The following SGPP2 variants were observed in gnomAD, a reference collection of about 807,000 sequenced individuals.
SGPP2 encodes sphingosine-1-phosphate phosphatase 2.
A neutral mutation model predicts 33.9 loss-of-function variants in SGPP2; 30 were observed. That is an observed-to-expected ratio of 0.89 (90% CI 0.66 to 1.20). SGPP2 has a LOEUF of 1.20. Among genes scored for constraint, SGPP2 ranks in the 50% most tolerant of loss-of-function variants. SGPP2 has a pLI of 0.00. For synonymous variants in SGPP2, 233 were observed against 225.0 expected (o/e 1.04, Z -0.32); for missense variants, 458 against 532.1 (o/e 0.86, Z 1.37).
chr2:222,526,848 C>T (rs34994352), intron 4 of SGPP2, among the ~76,000 whole-genome samples: 48,025 of 152,058 alleles, frequency 0.32, 8,277 homozygotes, highest in Middle Eastern at 0.49. Flanking sequence ...GAACAACACA[C>T]ACCATGGCCT....
intron 2 of SGPP2, among the ~76,000 whole-genome samples, chr2:222,515,818 C>T (rs1255899996): frequency 6.6e-6 from 1 of 152,080 alleles, no homozygotes; most frequent in Non-Finnish European, 1.5e-5. Flanking sequence ...GCAGGCGGAT[C>T]ACCTGAGGTC....
intron 2 of SGPP2, among the ~76,000 whole-genome samples, chr2:222,521,308 G>C (rs114670032): frequency 6.6e-6 from 1 of 152,324 alleles, no homozygotes; most frequent in African/African-American, 2.4e-5. Flanking sequence ...GCATCGTGTG[G>C]TAGTTTAAGC....
intron 2 of SGPP2, among the ~76,000 whole-genome samples, chr2:222,519,254 A>G (rs1158935494): frequency 6.6e-6 from 1 of 152,140 alleles, no homozygotes; most frequent in East Asian, 1.9e-4. Flanking sequence ...TCACCTGGCA[A>G]TCTTGTGAAA....
chr2:222,467,822 A>G (rs540657607), intron 1 of SGPP2, among the ~76,000 whole-genome samples: 1 of 151,880 alleles, frequency 6.6e-6, no homozygotes, highest in Admixed American at 6.6e-5. Flanking sequence ...TGCTGTTTCC[A>G]ATTAAACTGG....
chr2:222,547,289 G>A (rs1018257313), intron 4 of SGPP2, among the ~76,000 whole-genome samples: 30 of 152,204 alleles, frequency 2.0e-4, no homozygotes, highest in South Asian at 1.0e-3. Flanking sequence ...TGTCATTCTC[G>A]CAAGCTGCTT....
chr2:222,510,074 C>T (rs1698502937), intron 2 of SGPP2, among the ~76,000 whole-genome samples: 1 of 152,180 alleles, frequency 6.6e-6, no homozygotes. Context: ...AATAATATTC[C>T]ATTGTAAATA....
chr2:222,441,680 T>G (rs1017977193), intron 1 of SGPP2, among the ~76,000 whole-genome samples: 5 of 152,314 alleles, frequency 3.3e-5, no homozygotes, highest in Non-Finnish European at 5.9e-5. Flanking sequence ...TTGTTTACAA[T>G]ACGAAGGTAG....
At chr2:222,532,233 C>T (rs1698849758) in intron 4 of SGPP2, among the ~76,000 whole-genome samples, 2 of 151,680 alleles carry the variant, frequency 1.3e-5, no homozygotes, top group African/African-American at 4.9e-5. Flanking sequence ...GAGATCGCGC[C>T]ATTGCACTTG....
intron 2 of SGPP2, among the ~76,000 whole-genome samples, chr2:222,509,922 A>C (rs1698500773): frequency 6.6e-6 from 1 of 152,198 alleles, no homozygotes; most frequent in Non-Finnish European, 1.5e-5. Flanking sequence ...CAGTGGGGCT[A>C]ATTTACTTTC....
chr2:222,540,663 A>G (rs537684928), intron 4 of SGPP2, among the ~76,000 whole-genome samples: 3 of 151,842 alleles, frequency 2.0e-5, no homozygotes, highest in Non-Finnish European at 2.9e-5. Flanking sequence ...CAATAAATCT[A>G]TTTTTTCTCC....
chr2:222,463,639 A>G (rs73993560), intron 1 of SGPP2, among the ~76,000 whole-genome samples: 2,273 of 152,234 alleles, frequency 0.015, 52 homozygotes, highest in African/African-American at 0.051. Context: ...CTGTCCTGAA[A>G]GAAAATTCCA....
chr2:222,531,363 A>G (rs1698836562), intron 4 of SGPP2, among the ~76,000 whole-genome samples: 1 of 152,200 alleles, frequency 6.6e-6, no homozygotes, highest in African/African-American at 2.4e-5. Context: ...GGGAATTCTG[A>G]CACCTGCTAC....
intron 1 of SGPP2, among the ~76,000 whole-genome samples, chr2:222,443,750 G>A (rs776075541): frequency 3.9e-5 from 6 of 152,138 alleles, no homozygotes; most frequent in South Asian, 4.2e-4. Context: ...GGCCTCACAT[G>A]GCCCCTCACA....
chr2:222,525,325 A>C (rs188533157), intron 4 of SGPP2, among the ~76,000 whole-genome samples: 101 of 152,306 alleles, frequency 6.6e-4, no homozygotes, highest in African/African-American at 2.3e-3. Context: ...TTTACTGACG[A>C]TGCAGCAAGC....
At chr2:222,505,387 T>C (rs1358013143) in intron 2 of SGPP2, among the ~76,000 whole-genome samples, 2 of 152,378 alleles carry the variant, frequency 1.3e-5, no homozygotes, top group East Asian at 3.9e-4. Context: ...GGATGGAATA[T>C]ACAGTTGATC....
intron 1 of SGPP2, among the ~76,000 whole-genome samples, chr2:222,443,792 T>G (rs1362158679): frequency 6.6e-6 from 1 of 152,234 alleles, no homozygotes; most frequent in East Asian, 1.9e-4. Flanking sequence ...TGTGCTGTAT[T>G]TTGCAGGGGA....
At chr2:222,426,907 G>T (rs1387143357) in intron 1 of SGPP2, among the ~76,000 whole-genome samples, 1 of 152,194 alleles carries the variant, frequency 6.6e-6, no homozygotes, top group Non-Finnish European at 1.5e-5. Context: ...CCTTTGTACA[G>T]GCGTTGGCCT....
At chr2:222,544,583 G>T (rs1360726911) in intron 4 of SGPP2, among the ~76,000 whole-genome samples, 1 of 152,226 alleles carries the variant, frequency 6.6e-6, no homozygotes, top group Middle Eastern at 3.4e-3. Flanking sequence ...TGTAAATTCT[G>T]TGTAAATAGT....
intron 2 of SGPP2, among the ~76,000 whole-genome samples, chr2:222,511,307 C>T (rs1698523433): frequency 6.6e-6 from 1 of 152,168 alleles, no homozygotes; most frequent in African/African-American, 2.4e-5. Flanking sequence ...ACCAGATTTT[C>T]TTTCTATCTA....
Sources: allele counts gnomAD v4.1 joint callset (sites outside exome capture counted in the v4.1 genomes callset), GRCh38; gene constraint gnomAD v4.1.1; transcripts MANE v1.5; gene names NCBI Gene and HGNC (gene_info 2026-07-23, HGNC 2026-07-21).